SLCO6A1: variants seen among roughly 807,000 people sequenced by gnomAD.
SLCO6A1 encodes the protein cancer/testis antigen 48.
In SLCO6A1, 65 loss-of-function variants were observed where a neutral mutation model predicts 72.7. That is an observed-to-expected ratio of 0.89 (90% CI 0.73 to 1.10). The LOEUF (loss-of-function observed/expected upper bound fraction) is 1.10, where lower values mean the gene tolerates loss of function less well. SLCO6A1 is among the 50% of genes least tolerant of loss of function. SLCO6A1 has a pLI of 0.00. For missense variants in SLCO6A1, 874 were observed against 872.6 expected (o/e 1.00, Z -0.02); for synonymous variants, 314 against 298.2 (o/e 1.05, Z -0.55).
chr5:102,455,235 G>A (rs988689546), intron 6 of SLCO6A1, among the ~76,000 whole-genome samples: 1 of 151,950 alleles, frequency 6.6e-6, no homozygotes, highest in Non-Finnish European at 1.5e-5. Flanking sequence ...CTGGAATGTG[G>A]AGGACAGAGG....
At chr5:102,385,040 T>C (rs1160948577) in intron 12 of SLCO6A1, among the ~76,000 whole-genome samples, 1 of 152,144 alleles carries the variant, frequency 6.6e-6, no homozygotes, top group Non-Finnish European at 1.5e-5. Context: ...CTTTTATTGT[T>C]CTGGAAAAGT....
At chr5:102,410,155 C>T (rs201329007) in intron 9 of SLCO6A1, among the ~76,000 whole-genome samples, 1 of 152,152 alleles carries the variant, frequency 6.6e-6, no homozygotes, top group Non-Finnish European at 1.5e-5. Context: ...CAAAGGAGAA[C>T]TGCAGTGGGT....
intron 4 of SLCO6A1, among the ~76,000 whole-genome samples, chr5:102,474,959 T>A (rs76212258): frequency 6.6e-6 from 1 of 152,022 alleles, no homozygotes; most frequent in East Asian, 1.9e-4. Context: ...TGTGGAGAAA[T>A]TGGAACCCTG....
chr5:102,375,500 A>T (rs1745734101), intron 12 of SLCO6A1, among the ~76,000 whole-genome samples: 1 of 152,192 alleles, frequency 6.6e-6, no homozygotes, highest in Admixed American at 6.6e-5. Context: ...GAATGCAATC[A>T]TATGTTGCAA....
chr5:102,480,820 T>C (rs1266787342), intron 1 of SLCO6A1, among the ~76,000 whole-genome samples: 1 of 152,118 alleles, frequency 6.6e-6, no homozygotes, highest in African/African-American at 2.4e-5. Flanking sequence ...ATTATCAAAA[T>C]AGTTAAAGCC....
intron 9 of SLCO6A1, among the ~76,000 whole-genome samples, chr5:102,405,053 A>C (rs1003546350): frequency 6.6e-6 from 1 of 152,154 alleles, no homozygotes; most frequent in African/African-American, 2.4e-5. Flanking sequence ...TTATGTTATT[A>C]TTTGTTATAC....
intron 9 of SLCO6A1, among the ~76,000 whole-genome samples, chr5:102,406,967 C>A (rs1029588469): frequency 6.6e-6 from 1 of 150,784 alleles, no homozygotes; most frequent in African/African-American, 2.4e-5. Context: ...TTGTAGTCTG[C>A]GTTAAGCAGA....
chr5:102,474,025 C>G (rs959172798), intron 4 of SLCO6A1, among the ~76,000 whole-genome samples: 1 of 151,682 alleles, frequency 6.6e-6, no homozygotes, highest in Non-Finnish European at 1.5e-5. Context: ...AAGTGAAATA[C>G]AGATTTAATG....
At chr5:102,438,497 C>G in intron 7 of SLCO6A1, 120 bp downstream of exon 7, 2 of 766,626 alleles carry the variant, frequency 2.6e-6, no homozygotes. Flanking sequence ...TTTGTAAAAT[C>G]TGCACAAATC....
chr5:102,465,466 A>T (rs943472295), intron 4 of SLCO6A1, among the ~76,000 whole-genome samples: 1 of 152,052 alleles, frequency 6.6e-6, no homozygotes, highest in Non-Finnish European at 1.5e-5. Flanking sequence ...TTATTTCCCC[A>T]CTACCCTATC....
intron 7 of SLCO6A1, among the ~76,000 whole-genome samples, chr5:102,425,357 A>G (rs182363203): frequency 2.8e-4 from 42 of 152,330 alleles, no homozygotes; most frequent in Admixed American, 1.5e-3. Flanking sequence ...ACATGATTGT[A>G]TATTTAGAAA....
rs894340769 is a variant in SLCO6A1 at position 102,421,294 on chromosome 5, G to T, written c.1277-1273C>A. Among the ~76,000 whole-genome samples the T allele has an allele frequency of 2.0e-5, 3 of 152,142 alleles. No homozygotes were observed. In the South Asian group the frequency reaches 6.2e-4, roughly 32 times the overall value. The stretch of plus-strand genomic sequence containing the variant: ...AGAACTGTTCACTCCCCTGGAAACG[G>T]AGCCGAAGCCAGGGAGCCAAGTGGT... On this transcript the variant is annotated intron_variant, in intron 7 of 13. Transcript: ENST00000506729.
intron 7 of SLCO6A1, among the ~76,000 whole-genome samples, chr5:102,420,280 C>T (rs949132402): frequency 2.0e-5 from 3 of 152,130 alleles, no homozygotes; most frequent in Admixed American, 6.5e-5. Context: ...TATAGTAATG[C>T]CATCAAGGAC....
At chr5:102,402,572 G>A (rs1194519543) in intron 9 of SLCO6A1, among the ~76,000 whole-genome samples, 1 of 152,108 alleles carries the variant, frequency 6.6e-6, no homozygotes, top group Non-Finnish European at 1.5e-5. Flanking sequence ...ATATGAAGAT[G>A]GTGGCATCTA....
chr5:102,380,298 T>G (rs1286516902), intron 12 of SLCO6A1, among the ~76,000 whole-genome samples: 1 of 152,038 alleles, frequency 6.6e-6, no homozygotes, highest in Non-Finnish European at 1.5e-5. Context: ...GCTTATCTAC[T>G]CTACTGCAAA....
At chr5:102,378,114 T>C (rs1745907502) in intron 12 of SLCO6A1, among the ~76,000 whole-genome samples, 1 of 151,976 alleles carries the variant, frequency 6.6e-6, no homozygotes, top group Admixed American at 6.6e-5. Flanking sequence ...TTAGAATAAT[T>C]ATCTTGCCCT....
intron 8 of SLCO6A1, among the ~76,000 whole-genome samples, chr5:102,416,752 T>A (rs189914737): frequency 6.6e-6 from 1 of 152,138 alleles, no homozygotes; most frequent in Admixed American, 6.6e-5. Context: ...ATATTAAAAA[T>A]GTACTGAGAT....
chr5:102,398,425 G>A (rs990353411), intron 10 of SLCO6A1, among the ~76,000 whole-genome samples: 2 of 152,030 alleles, frequency 1.3e-5, no homozygotes, highest in South Asian at 2.1e-4. Context: ...TGATCCATCC[G>A]CAACGGCCTC....
At chr5:102,468,815 C>G (rs1271688897) in intron 4 of SLCO6A1, among the ~76,000 whole-genome samples, 1 of 152,078 alleles carries the variant, frequency 6.6e-6, no homozygotes, top group African/African-American at 2.4e-5. Flanking sequence ...AGTCTTTAAT[C>G]CATCTTGAGT....
Sources: gnomAD v4.1 joint callset for allele counts (sites outside exome capture counted in the v4.1 genomes callset) on GRCh38, gnomAD v4.1.1 for gene constraint, MANE v1.5 for transcripts, NCBI Gene and HGNC (gene_info 2026-07-23, HGNC 2026-07-21) for gene names.